Variants in FBXO38 observed in about 807,000 individuals in gnomAD.
FBXO38 encodes the protein F-box only protein 38.
Under a neutral mutation model 131.9 loss-of-function variants are expected in FBXO38, and 53 were observed. The observed-to-expected ratio is 0.40, with a 90% confidence interval of 0.32 to 0.51. The LOEUF is 0.51. Among genes scored for constraint, FBXO38 ranks in the 20% least tolerant of loss-of-function variants. FBXO38 has a pLI of 0.53. For missense variants in FBXO38, 1,076 were observed against 1,475.6 expected (o/e 0.73, Z 4.44); for synonymous variants, 452 against 505.6 (o/e 0.89, Z 1.42).
chr5:148,414,076 A>G, intron 9 of FBXO38, 60 bp from the exon 10 acceptor site: 1 of 1,502,580 alleles, frequency 6.7e-7, no homozygotes, highest in Non-Finnish European at 8.9e-7. Context: ...CAAAGTTGGT[A>G]ACACTCCCTA....
intron 15 of FBXO38, 32 bp from the exon 16 acceptor site, chr5:148,433,392 A>C: frequency 6.6e-7 from 1 of 1,521,548 alleles, no homozygotes; most frequent in Non-Finnish European, 9.1e-7. Context: ...CAAGGCTAAA[A>C]TTTGGATTTT....
chr5:148,418,774 C>G (rs1753220212), intron 12 of FBXO38, among the ~76,000 whole-genome samples: 1 of 152,224 alleles, frequency 6.6e-6, no homozygotes, highest in African/African-American at 2.4e-5. Context: ...AGATTGTAGA[C>G]TTCACTGGAA....
At chr5:148,395,849 CTAGA>C (rs1269920749) in intron 2 of FBXO38, among the ~76,000 whole-genome samples, 2 of 151,914 alleles carry the variant, frequency 1.3e-5, no homozygotes, top group African/African-American at 2.4e-5. Flanking sequence ...TGTCTGACAT[CTAGA>C]TAGTTTTCAG....
chr5:148,408,547 A>T (rs1465237826), intron 7 of FBXO38, among the ~76,000 whole-genome samples: 1 of 152,270 alleles, frequency 6.6e-6, no homozygotes, highest in Non-Finnish European at 1.5e-5. Flanking sequence ...AAGTGAACAG[A>T]CTACAGCTAC....
At chr5:148,403,246 A>G (rs1158036332) in intron 5 of FBXO38, among the ~76,000 whole-genome samples, 1 of 152,152 alleles carries the variant, frequency 6.6e-6, no homozygotes. Context: ...CATTGCAAAT[A>G]TAAGTACAGG....
intron 1 of FBXO38, chr5:148,389,866 T>C (rs997624666): frequency 3.3e-5 from 5 of 151,914 alleles, no homozygotes; most frequent in African/African-American, 1.2e-4. Flanking sequence ...CCGTCTCTAC[T>C]AAAAATACAA....
intron 1 of FBXO38, among the ~76,000 whole-genome samples, chr5:148,391,359 TAATA>T (rs1336833059): frequency 6.6e-6 from 1 of 152,220 alleles, no homozygotes; most frequent in Non-Finnish European, 1.5e-5. Context: ...GAAACATGAC[TAATA>T]AATCACTACA....
intron 14 of FBXO38, among the ~76,000 whole-genome samples, chr5:148,426,453 C>T (rs1753718804): frequency 1.3e-5 from 2 of 152,178 alleles, no homozygotes; most frequent in African/African-American, 2.4e-5. Context: ...ATCATTGACT[C>T]ATTATTCAAT....
At position 148,394,711 on chromosome 5, in the gene FBXO38, C is replaced by T. The variant is rs1034009059; in HGVS notation, c.-63-3C>T. The T allele has an allele frequency of 9.2e-6, 13 of 1,410,830 alleles. No individual in the cohort carries two copies. The East Asian group carries it at 3.4e-4, about 37-fold the overall frequency. 87.4% of individuals were successfully genotyped at this position (1,410,830 alleles called of 1,614,324 possible). On this transcript the variant is annotated splice_polypyrimidine_tract_variant and splice_region_variant and intron_variant, in intron 1 of 21. Coordinates refer to ENST00000340253, the MANE Select transcript of FBXO38 (RefSeq NM_205836.3). The stretch of plus-strand genomic sequence containing the variant: ...AGTCTACTTCGTTCTGTTTGCTTTT[C>T]AGGTACTTTGAACTCAAGTAAACAA...
chr5:148,403,500 A>G (rs1481810495), intron 5 of FBXO38, among the ~76,000 whole-genome samples: 1 of 152,116 alleles, frequency 6.6e-6, no homozygotes, highest in East Asian at 1.9e-4. Context: ...CAGTACTACC[A>G]TCTTCATAGT....
chr5:148,393,191 GTGTGT>G (rs1758297825), intron 1 of FBXO38, among the ~76,000 whole-genome samples: 1 of 100,468 alleles, frequency 1.0e-5, no homozygotes, highest in Admixed American at 1.0e-4. Context: ...GAAGAGGGGT[GTGTGT>G]GTGTGTGTGT....
chr5:148,432,972 C>T (rs1754120631), intron 15 of FBXO38, among the ~76,000 whole-genome samples: 1 of 152,172 alleles, frequency 6.6e-6, no homozygotes, highest in African/African-American at 2.4e-5. Context: ...TTGATGACTT[C>T]AGAGACATTG....
intron 1 of FBXO38, among the ~76,000 whole-genome samples, chr5:148,388,505 G>A (rs1407248755): frequency 2.6e-5 from 4 of 152,174 alleles, no homozygotes; most frequent in African/African-American, 7.2e-5. Flanking sequence ...ACTTTCAGCC[G>A]TTATCTAAGT....
At chr5:148,438,609 T>G (rs1044944941) in intron 18 of FBXO38, 111 bp downstream of exon 18, 1 of 1,107,044 alleles carries the variant, frequency 9.0e-7, no homozygotes, top group Non-Finnish European at 1.3e-6. Context: ...TTGCCCAACC[T>G]ACAGTAATGA....
chr5:148,410,871 T>A, intron 9 of FBXO38, 106 bp downstream of exon 9: 2 of 1,079,200 alleles, frequency 1.9e-6, no homozygotes, highest in Non-Finnish European at 2.6e-6. Flanking sequence ...TAAGACAACT[T>A]AAAATCTTAG....
At chr5:148,418,233 T>C (rs1177983343) in intron 12 of FBXO38, among the ~76,000 whole-genome samples, 1 of 152,176 alleles carries the variant, frequency 6.6e-6, no homozygotes, top group East Asian at 1.9e-4. Flanking sequence ...AGACACTTTA[T>C]TCTCTTGGCA....
intron 11 of FBXO38, 128 bp downstream of exon 11, chr5:148,416,198 C>A: frequency 3.6e-6 from 3 of 832,254 alleles, no homozygotes; most frequent in East Asian, 2.8e-5. Flanking sequence ...TTTTTACTGC[C>A]AGCCTCAGTG....
chr5:148,416,446 C>T (rs990302243), intron 11 of FBXO38, among the ~76,000 whole-genome samples: 2 of 152,046 alleles, frequency 1.3e-5, no homozygotes, highest in Admixed American at 1.3e-4. Context: ...AAAGTATAAA[C>T]AAGAATTAAG....
chr5:148,399,238 C>A, intron 3 of FBXO38, 106 bp downstream of exon 3: 1 of 1,304,668 alleles, frequency 7.7e-7, no homozygotes, highest in South Asian at 1.4e-5. Context: ...TCTAAGTCAC[C>A]TTGTAGGCTG....
Sources: gnomAD v4.1 joint callset for allele counts (sites outside exome capture counted in the v4.1 genomes callset) on GRCh38, gnomAD v4.1.1 for gene constraint, MANE v1.5 for transcripts, NCBI Gene and HGNC (gene_info 2026-07-23, HGNC 2026-07-21) for gene names.